Variants in ZNF148 observed in about 807,000 individuals in gnomAD.
ZNF148 encodes the protein Beta-Enolase Repressor Factor-1.
A neutral mutation model predicts 67.7 loss-of-function variants in ZNF148; 7 were observed. That is an observed-to-expected ratio of 0.10 (90% CI 0.06 to 0.19). ZNF148 has a LOEUF of 0.19. Ranked by LOEUF, ZNF148 falls within the 10% of genes least tolerant of loss-of-function variation. The pLI, the probability that ZNF148 is intolerant of heterozygous loss-of-function variation, is 1.00. For missense variants in ZNF148, 583 were observed against 947.1 expected (o/e 0.62, Z 5.05); for synonymous variants, 333 against 330.7 (o/e 1.01, Z -0.08).
intron 7 of ZNF148, among the ~76,000 whole-genome samples, chr3:125,276,984 T>C (rs1938110498): frequency 6.6e-6 from 1 of 152,188 alleles, no homozygotes; most frequent in Non-Finnish European, 1.5e-5. Flanking sequence ...CAATTCTCAA[T>C]TCTATTCAAA....
At chr3:125,317,101 G>C (rs1940534586) in intron 3 of ZNF148, among the ~76,000 whole-genome samples, 1 of 152,080 alleles carries the variant, frequency 6.6e-6, no homozygotes, top group Non-Finnish European at 1.5e-5. Flanking sequence ...CACATGCAAA[G>C]AAAAAGAAAT....
At chr3:125,255,365 G>A (rs185957087) in intron 7 of ZNF148, among the ~76,000 whole-genome samples, 1 of 145,992 alleles carries the variant, frequency 6.8e-6, no homozygotes, top group African/African-American at 2.5e-5. Context: ...TCCTGCCTCA[G>A]CCTCCCAAGT....
rs562231680 is a variant in ZNF148 at position 125,252,638 on chromosome 3, C to T, written c.668-18309G>A. 4.4e-4 allele frequency among the ~76,000 whole-genome samples: 67 copies of T among 152,064 alleles called. No individual in the cohort carries two copies. The Middle Eastern group carries it at 0.024, about 54-fold the overall frequency. ...CAAAAATTAGCTGGGGGTGGTGGCG[C>T]ATGCCTGTAATCCCAGCTAATCAGG... On this transcript the variant is annotated intron_variant, in intron 7 of 8. Transcript: ENST00000360647.
intron 5 of ZNF148, among the ~76,000 whole-genome samples, chr3:125,287,287 C>A (rs1938712736): frequency 1.3e-5 from 2 of 152,086 alleles, no homozygotes; most frequent in African/African-American, 4.8e-5. Context: ...GCAGAGAGTT[C>A]AGAGAATTTC....
intron 1 of ZNF148, among the ~76,000 whole-genome samples, chr3:125,372,640 T>C (rs1942927581): frequency 6.6e-6 from 1 of 152,194 alleles, no homozygotes; most frequent in Admixed American, 6.5e-5. Context: ...GGCTGCTGTT[T>C]TTCATTGTAA....
chr3:125,280,459 C>T (rs1026231349), intron 5 of ZNF148, among the ~76,000 whole-genome samples: 8 of 151,896 alleles, frequency 5.3e-5, no homozygotes, highest in South Asian at 4.2e-4. Context: ...AGGTGGGTGG[C>T]TCACTTCAGT....
chr3:125,249,555 G>A (rs1936745489), intron 7 of ZNF148, among the ~76,000 whole-genome samples: 1 of 151,932 alleles, frequency 6.6e-6, no homozygotes, highest in South Asian at 2.1e-4. Context: ...AGAAACCACT[G>A]CACACTGCTG....
intron 4 of ZNF148, among the ~76,000 whole-genome samples, chr3:125,297,048 C>G (rs1404316319): frequency 4.6e-5 from 7 of 151,758 alleles, no homozygotes; most frequent in Admixed American, 4.6e-4. Flanking sequence ...TTTTTATTTT[C>G]TTTATAGTTT....
intron 7 of ZNF148, among the ~76,000 whole-genome samples, chr3:125,242,735 A>G (rs1936424828): frequency 1.3e-5 from 2 of 152,240 alleles, no homozygotes; most frequent in African/African-American, 4.8e-5. Flanking sequence ...GTTTTTTCAG[A>G]TGGCTATCCA....
In ZNF148 at chr3:125,305,798, AAAAAAAAG is replaced by A. The variant is rs529178948; in HGVS notation, c.333+7502_333+7509del. Among the ~76,000 whole-genome samples the A allele has an allele frequency of 9.8e-4, 149 of 151,914 alleles. 1 individual carries two copies. The highest frequency in any genetic ancestry group is 1.9e-3 in the Non-Finnish European group (129 of 67,944). ...ACTGCACACCAGCACGGGCAAAAAA[AAAAAAAAG>A]AAAAAAAGAAAAAGTGAATACAACT... On this transcript the variant is annotated intron_variant, in intron 4 of 8. Coordinates refer to ENST00000360647, the MANE Select transcript of ZNF148 (RefSeq NM_021964.3).
At chr3:125,357,269 GCCTCCT>G (rs796624857) in intron 1 of ZNF148, 1 of 153,406 alleles carries the variant, frequency 6.5e-6, no homozygotes, top group Non-Finnish European at 1.4e-5. Flanking sequence ...GCGCCCCTCC[GCCTCCT>G]CCTCCTCCTC....
At chr3:125,358,794 CAGAA>C (rs1190787710) in intron 1 of ZNF148, among the ~76,000 whole-genome samples, 1 of 152,144 alleles carries the variant, frequency 6.6e-6, no homozygotes, top group African/African-American at 2.4e-5. Flanking sequence ...CAGGGGCCTG[CAGAA>C]CAGCAAGTGT....
intron 1 of ZNF148, among the ~76,000 whole-genome samples, chr3:125,332,994 T>C (rs147753533): frequency 1.2e-3 from 176 of 152,276 alleles, no homozygotes; most frequent in African/African-American, 3.9e-3. Context: ...GCAAAGCCTA[T>C]AGACAGGGAA....
At chr3:125,359,780 T>G (rs1443938574) in intron 1 of ZNF148, among the ~76,000 whole-genome samples, 4 of 152,230 alleles carry the variant, frequency 2.6e-5, no homozygotes, top group African/African-American at 7.2e-5. Flanking sequence ...AGAGAAAGAA[T>G]AGGTTTCTGA....
intron 7 of ZNF148, among the ~76,000 whole-genome samples, chr3:125,259,006 T>C (rs1324737816): frequency 6.6e-6 from 1 of 152,188 alleles, no homozygotes; most frequent in Non-Finnish European, 1.5e-5. Flanking sequence ...ACGAAGTTAA[T>C]TGTATATTGC....
intron 1 of ZNF148, among the ~76,000 whole-genome samples, chr3:125,374,158 T>C (rs1942983227): frequency 1.3e-5 from 2 of 152,066 alleles, no homozygotes; most frequent in Admixed American, 1.3e-4. Flanking sequence ...GTCTAAAATG[T>C]CACAGACCAA....
intron 1 of ZNF148, among the ~76,000 whole-genome samples, chr3:125,358,999 A>G (rs2107777156): frequency 6.6e-6 from 1 of 152,246 alleles, no homozygotes; most frequent in East Asian, 1.9e-4. Context: ...CACCTTCTTT[A>G]AGATACTCAT....
chr3:125,235,643 A>C (rs556992310), intron 7 of ZNF148, among the ~76,000 whole-genome samples: 2 of 152,036 alleles, frequency 1.3e-5, no homozygotes, highest in Non-Finnish European at 2.9e-5. Flanking sequence ...TTAAATTTCA[A>C]ATTACTGAGT....
intron 1 of ZNF148, among the ~76,000 whole-genome samples, chr3:125,359,370 A>G (rs1262076536): frequency 6.6e-6 from 1 of 152,162 alleles, no homozygotes; most frequent in Non-Finnish European, 1.5e-5. Flanking sequence ...TATTTTTCTC[A>G]CTGCCATTTC....
Sources: allele counts gnomAD v4.1 joint callset (sites outside exome capture counted in the v4.1 genomes callset), GRCh38; gene constraint gnomAD v4.1.1; transcripts MANE v1.5; gene names NCBI Gene and HGNC (gene_info 2026-07-23, HGNC 2026-07-21).